Variants in ZNF469 observed in about 807,000 individuals in gnomAD.
ZNF469 encodes zinc finger protein 469.
ZNF469 carries 1 observed loss-of-function variant against 1.0 expected under a neutral mutation model. The observed-to-expected ratio is 1.00, with a 90% confidence interval of 0.35 to 4.73. The LOEUF is 4.73. Among genes scored for constraint, ZNF469 ranks in the 30% most tolerant of loss-of-function variants. The probability of loss-of-function intolerance (pLI) is 0.16; values close to 1 mark genes in which losing one functional copy is unlikely to be tolerated. For synonymous variants in ZNF469, 2,703 were observed against 2,363.4 expected (o/e 1.14, Z -4.17); for missense variants, 6,100 against 5,356.3 (o/e 1.14, Z -4.33).
At chr16:88,346,537 G>C in the ZNF469 span, among the ~76,000 whole-genome samples, 1 of 152,096 alleles carries the variant, frequency 6.6e-6, no homozygotes, top group Non-Finnish European at 1.5e-5. Flanking sequence ...TTATTTTTTA[G>C]AGACAGGGTC....
At chr16:88,347,251 C>T in the ZNF469 span, among the ~76,000 whole-genome samples, 1 of 152,168 alleles carries the variant, frequency 6.6e-6, no homozygotes, top group Admixed American at 6.5e-5. Context: ...TGGCTACATT[C>T]GATCCCCCAA....
At chr16:88,346,695 T>C in the ZNF469 span, among the ~76,000 whole-genome samples, 23 of 152,240 alleles carry the variant, frequency 1.5e-4, no homozygotes, top group African/African-American at 5.3e-4. Context: ...TTTTTTAATT[T>C]TTGTAGTGAT....
chr16:88,174,950 G>A, the ZNF469 span, among the ~76,000 whole-genome samples: 1 of 151,864 alleles, frequency 6.6e-6, no homozygotes, highest in Non-Finnish European at 1.5e-5. Context: ...GTGTGTGTGT[G>A]TGTGTGTGTG....
the ZNF469 span, among the ~76,000 whole-genome samples, chr16:88,309,096 C>T: frequency 1.4e-4 from 22 of 152,354 alleles, no homozygotes; most frequent in African/African-American, 2.9e-4. Context: ...GCTCCTGCCC[C>T]GGTTTTCTCA....
chr16:88,185,512 CAT>C, the ZNF469 span, among the ~76,000 whole-genome samples: 16,185 of 151,712 alleles, frequency 0.11, 1,106 homozygotes, highest in South Asian at 0.22. Context: ...TGCACACATG[CAT>C]ACATACATGT....
the ZNF469 span, among the ~76,000 whole-genome samples, chr16:88,289,729 C>T: frequency 6.6e-6 from 1 of 152,194 alleles, no homozygotes; most frequent in Non-Finnish European, 1.5e-5. Context: ...TTCCTAAGCT[C>T]TCTTGGTCTT....
At chr16:88,385,359 A>G (rs1438816356) in intron 1 of ZNF469, among the ~76,000 whole-genome samples, 1 of 152,074 alleles carries the variant, frequency 6.6e-6, no homozygotes. Flanking sequence ...TTCAGTTACC[A>G]GCCGGGGATG....
the ZNF469 span, among the ~76,000 whole-genome samples, chr16:88,318,617 A>G: frequency 6.6e-6 from 1 of 152,266 alleles, no homozygotes; most frequent in African/African-American, 2.4e-5. Context: ...TCATGAAGTA[A>G]GAACTCCTGG....
rs1235671141 is a variant in ZNF469 at position 88,437,667 on chromosome 16, GCCGC to G, written c.10198_10201del (p.Pro3400CysfsTer37). 1 of 1,548,056 alleles carries G rather than the reference GCCGC, an allele frequency of 6.5e-7. No homozygotes were observed. The highest frequency in any genetic ancestry group is 1.4e-5 in the African/African-American group (1 of 72,974). ...TGGAGCGGCCGGAGCTGCAGCACAC[GCCGC>G]TGTATGCCTGCGAGCTCTGCGCCAC... On this transcript the variant is annotated frameshift_variant, in exon 3 of 3. Coordinates refer to ENST00000565624, the MANE Select transcript of ZNF469 (RefSeq NM_001367624.2). LOFTEE classifies it low-confidence loss of function (END_TRUNC).
At chr16:88,410,329 G>T (rs1428200017) in intron 1 of ZNF469, among the ~76,000 whole-genome samples, 1 of 151,030 alleles carries the variant, frequency 6.6e-6, no homozygotes, top group Non-Finnish European at 1.5e-5. Context: ...ATGGTGCATG[G>T]TTCACAGTAA....
intron 1 of ZNF469, among the ~76,000 whole-genome samples, chr16:88,422,650 G>A (rs1325423383): frequency 6.1e-5 from 9 of 147,150 alleles, no homozygotes; most frequent in Non-Finnish European, 1.4e-4. Flanking sequence ...AGTGATGGAT[G>A]AGTGGGTGGA....
At chr16:88,155,939 C>T in the ZNF469 span, among the ~76,000 whole-genome samples, 5 of 152,280 alleles carry the variant, frequency 3.3e-5, no homozygotes, top group Middle Eastern at 3.4e-3. Flanking sequence ...TTCTTACAGC[C>T]GTGCTTATAG....
the ZNF469 span, among the ~76,000 whole-genome samples, chr16:88,119,224 G>C: frequency 6.6e-6 from 1 of 152,146 alleles, no homozygotes; most frequent in South Asian, 2.1e-4. Flanking sequence ...GCGGTCTCAC[G>C]GTTAGCTCTG....
chr16:88,273,753 C>T, the ZNF469 span, among the ~76,000 whole-genome samples: 11 of 151,912 alleles, frequency 7.2e-5, no homozygotes, highest in African/African-American at 2.7e-4. Flanking sequence ...ATTCAGTGTC[C>T]GTGGACAGGT....
At position 88,439,148 on chromosome 16, in the gene ZNF469, A is replaced by T. The variant is rs981595541; in HGVS notation, c.11678A>T (p.Lys3893Met). ...ACACAGAGGAAGGACAGACTGGGCA[A>T]GGCCTTCCCCCAGGGGAGACCCCTG... Reference protein sequence around the residue: ...GHTQRKDRLGKAFPQGRPLLR... With the variant: ...GHTQRKDRLGMAFPQGRPLLR... Residue 3893 changes from lysine to methionine, a missense_variant, in exon 3 of 3, where the codon AAG (lysine) becomes ATG (methionine). By Grantham distance (95) the Lys-to-Met change is moderately conservative. Coordinates refer to ENST00000565624, the MANE Select transcript of ZNF469 (RefSeq NM_001367624.2). 8 of 1,550,702 alleles carry T rather than the reference A, an allele frequency of 5.2e-6. No individual in the cohort carries two copies. Among genetic ancestry groups the T allele is most frequent in the Non-Finnish European group, 7.0e-6 (8 of 1,146,978 alleles).
At chr16:88,219,991 G>C in the ZNF469 span, among the ~76,000 whole-genome samples, 2 of 152,178 alleles carry the variant, frequency 1.3e-5, no homozygotes, top group Non-Finnish European at 2.9e-5. Flanking sequence ...AGCATCTGTA[G>C]ATGTTTGCTC....
At chr16:88,413,138 C>T (rs373731254) in intron 1 of ZNF469, among the ~76,000 whole-genome samples, 1 of 152,178 alleles carries the variant, frequency 6.6e-6, no homozygotes, top group Non-Finnish European at 1.5e-5. Context: ...GGGCCATAGT[C>T]GTGCGTAAAG....
chr16:88,283,111 C>A, the ZNF469 span, among the ~76,000 whole-genome samples: 1 of 152,056 alleles, frequency 6.6e-6, no homozygotes, highest in South Asian at 2.1e-4. Flanking sequence ...TTATTTTAGT[C>A]GTTGACATTT....
the ZNF469 span, among the ~76,000 whole-genome samples, chr16:88,169,965 A>T: frequency 1.3e-5 from 2 of 152,228 alleles, no homozygotes; most frequent in African/African-American, 4.8e-5. The surrounding 1 kb of genome is among the most constrained non-coding windows in gnomAD (Gnocchi z 6.1). Flanking sequence ...TGCGTGCCTT[A>T]CATGGACTTC....
Sources: gnomAD v4.1 joint callset for allele counts (sites outside exome capture counted in the v4.1 genomes callset) on GRCh38, gnomAD v4.1.1 for gene constraint, Gnocchi (gnomAD v3.1) non-coding constraint, MANE v1.5 for transcripts, NCBI Gene and HGNC (gene_info 2026-07-23, HGNC 2026-07-21) for gene names.